The following CCDC201 variants were observed in gnomAD, a reference collection of about 807,000 sequenced individuals.
CCDC201 encodes the protein coiled-coil domain containing 201.
chr7:45,883,288 C>T, the CCDC201 span, among the ~76,000 whole-genome samples: 1 of 151,148 alleles, frequency 6.6e-6, no homozygotes, highest in Admixed American at 6.6e-5. Flanking sequence ...CACACCCCAA[C>T]ACACACACAC....
chr7:45,874,585 C>T (rs58643903), upstream of CCDC201, among the ~76,000 whole-genome samples: 23,916 of 152,234 alleles, frequency 0.16, 2,193 homozygotes, highest in East Asian at 0.27. Flanking sequence ...GGTGAATGCT[C>T]ACCCTCACCC....
the CCDC201 span, among the ~76,000 whole-genome samples, chr7:45,883,999 C>A: frequency 6.8e-6 from 1 of 146,074 alleles, no homozygotes; most frequent in Admixed American, 7.1e-5. Flanking sequence ...CTTTCTTTTT[C>A]TTTCTTTCTT....
chr7:45,874,603 G>C (rs1786778451), upstream of CCDC201, among the ~76,000 whole-genome samples: 1 of 152,228 alleles, frequency 6.6e-6, no homozygotes, highest in South Asian at 2.1e-4. Context: ...CCCTCTGACT[G>C]TCCGCTTTCA....
upstream of CCDC201, among the ~76,000 whole-genome samples, chr7:45,875,483 A>G (rs1786791028): frequency 6.6e-6 from 1 of 151,910 alleles, no homozygotes; most frequent in Non-Finnish European, 1.5e-5. Flanking sequence ...ACAGGCACAT[A>G]TGTACACACA....
chr7:45,871,789 C>T (rs185096393), intron 1 of CCDC201, among the ~76,000 whole-genome samples: 58 of 152,282 alleles, frequency 3.8e-4, no homozygotes, highest in Non-Finnish European at 6.8e-4. Flanking sequence ...CATGCTGAAC[C>T]TCATTCTCAG....
chr7:45,864,261 C>T (rs1201051492), intron 2 of CCDC201, among the ~76,000 whole-genome samples: 1 of 151,982 alleles, frequency 6.6e-6, no homozygotes, highest in Admixed American at 6.5e-5. Context: ...TTGTGGGGAT[C>T]CAGGCTCAGC....
chr7:45,874,076 T>C (rs138805622), upstream of CCDC201, among the ~76,000 whole-genome samples: 504 of 152,222 alleles, frequency 3.3e-3, 5 homozygotes, highest in African/African-American at 0.011. Context: ...CATGCCACCA[T>C]GCCTGGCTAA....
At chr7:45,870,547 A>C (rs979868603) in intron 1 of CCDC201, among the ~76,000 whole-genome samples, 16 of 152,362 alleles carry the variant, frequency 1.1e-4, no homozygotes, top group Admixed American at 5.9e-4. Flanking sequence ...TTATATTGGA[A>C]AAGGTTGAAT....
At chr7:45,861,815 G>A (rs1450374426) in exon 3 of CCDC201, 1 of 152,242 alleles carries the variant, frequency 6.6e-6, no homozygotes, top group Non-Finnish European at 1.5e-5. Context: ...AAGGGAGGCA[G>A]TGTAGGACTA....
chr7:45,875,874 A>C (rs1409669051), upstream of CCDC201, among the ~76,000 whole-genome samples: 1 of 152,218 alleles, frequency 6.6e-6, no homozygotes, highest in African/African-American at 2.4e-5. Flanking sequence ...GTTCCCTGTC[A>C]TAAGACCTTA....
intron 1 of CCDC201, among the ~76,000 whole-genome samples, 193 bp downstream of exon 1, chr7:45,872,797 G>A (rs1396764824): frequency 6.6e-6 from 1 of 152,146 alleles, no homozygotes; most frequent in African/African-American, 2.4e-5. Context: ...GTTAGTGCCC[G>A]GCCTGCCCAA....
chr7:45,862,407 T>G (rs1786614544), exon 3 of CCDC201: 1 of 152,328 alleles, frequency 6.6e-6, no homozygotes, highest in South Asian at 2.1e-4. Flanking sequence ...ACAGTCTGGT[T>G]TCTCCTACAG....
intron 1 of CCDC201, among the ~76,000 whole-genome samples, chr7:45,871,052 A>T (rs1786737646): frequency 6.6e-6 from 1 of 152,242 alleles, no homozygotes; most frequent in South Asian, 2.1e-4. Context: ...AAAAATCAGT[A>T]CTTAAATGTT....
upstream of CCDC201, among the ~76,000 whole-genome samples, chr7:45,876,878 A>G (rs2116531572): frequency 6.6e-6 from 1 of 152,200 alleles, no homozygotes; most frequent in South Asian, 2.1e-4. Context: ...AGAATCCCAA[A>G]CCTCTCACTG....
chr7:45,864,494 T>C (rs1786641279), intron 2 of CCDC201, among the ~76,000 whole-genome samples: 1 of 152,102 alleles, frequency 6.6e-6, no homozygotes, highest in African/African-American at 2.4e-5. Flanking sequence ...AAGAAGCAGT[T>C]AACCCCCGGG....
intron 1 of CCDC201, among the ~76,000 whole-genome samples, chr7:45,867,296 C>A (rs967294676): frequency 2.6e-5 from 4 of 152,194 alleles, no homozygotes; most frequent in Admixed American, 2.6e-4. Flanking sequence ...CGATTTACTA[C>A]CAATGGAGGT....
intron 2 of CCDC201, among the ~76,000 whole-genome samples, chr7:45,863,765 G>A (rs1786631225): frequency 6.6e-6 from 1 of 152,134 alleles, no homozygotes; most frequent in African/African-American, 2.4e-5. Flanking sequence ...AACAATGGCA[G>A]GCCCACCATG....
At chr7:45,863,220 A>G (rs1003656623) in intron 2 of CCDC201, 49 bp from the exon 3 acceptor site, 1 of 152,276 alleles carries the variant, frequency 6.6e-6, no homozygotes. Flanking sequence ...TCTTTACTGG[A>G]GACAAGCTCT....
At chr7:45,878,094 C>G in the CCDC201 span, among the ~76,000 whole-genome samples, 1 of 152,216 alleles carries the variant, frequency 6.6e-6, no homozygotes, top group Non-Finnish European at 1.5e-5. Flanking sequence ...AAAACAATCT[C>G]CTTTGACTTC....
Sources: allele counts gnomAD v4.1 joint callset (sites outside exome capture counted in the v4.1 genomes callset), GRCh38; gene constraint gnomAD v4.1.1; transcripts MANE v1.5; gene names NCBI Gene and HGNC (gene_info 2026-07-23, HGNC 2026-07-21).